The following ALDH1A3 variants were observed in gnomAD, a reference collection of about 807,000 sequenced individuals.
ALDH1A3 encodes aldehyde dehydrogenase 1 family member A3.
A neutral mutation model predicts 57.5 loss-of-function variants in ALDH1A3; 28 were observed. The ratio of observed to expected loss-of-function variants is 0.49; its 90% CI spans 0.36 to 0.67. The LOEUF is 0.67. Among genes scored for constraint, ALDH1A3 ranks in the 30% least tolerant of loss-of-function variants. The pLI is 0.00. For synonymous variants in ALDH1A3, 281 were observed against 264.8 expected, an observed-to-expected ratio of 1.06 and a Z score of -0.59; for missense variants, 507 against 669.4, an observed-to-expected ratio of 0.76 and a Z score of 2.68.
At chr15:100,898,044 A>G (rs1200920981) in intron 7 of ALDH1A3, 39 bp from the exon 8 acceptor site, 1 of 1,590,310 alleles carries the variant, frequency 6.3e-7, no homozygotes, top group East Asian at 2.2e-5. Flanking sequence ...AAGTTCAGCA[A>G]CATCCAAGGT....
chr15:100,895,820 C>G (rs754024736), intron 6 of ALDH1A3, 113 bp from the exon 7 acceptor site: 25 of 919,792 alleles, frequency 2.7e-5, no homozygotes, highest in Non-Finnish European at 3.9e-5. Context: ...AAATCCAGCC[C>G]GGCCCGGGTT....
intron 12 of ALDH1A3, 83 bp downstream of exon 12, chr15:100,908,565 C>T (rs1359850285): frequency 3.2e-6 from 4 of 1,267,434 alleles, no homozygotes; most frequent in Non-Finnish European, 4.6e-6. Context: ...AGGCTCCAAT[C>T]TGCTGACACC....
At chr15:100,912,326 T>A (rs866106848) in intron 12 of ALDH1A3, among the ~76,000 whole-genome samples, 1 of 152,242 alleles carries the variant, frequency 6.6e-6, no homozygotes, top group African/African-American at 2.4e-5. Flanking sequence ...TTATTGGTAA[T>A]TCATATTTCT....
rs953734655 is a variant in ALDH1A3 at position 100,915,864 on chromosome 15, A to C, written c.*1091A>C. On this transcript the variant is annotated 3_prime_UTR_variant, in exon 13 of 13. Transcript: ENST00000329841. ...CTATGGAGGACCTCGGTCTTCATCCAAGTGGCCTGAGTATTTCACTGGCAG... is the reference window on the plus strand; with the variant it reads ...CTATGGAGGACCTCGGTCTTCATCCCAGTGGCCTGAGTATTTCACTGGCAG... 2 of 152,338 alleles carry C rather than the reference A, an allele frequency of 1.3e-5. No individual in the cohort carries two copies. Among genetic ancestry groups the C allele is most frequent in the Admixed American group, 6.5e-5 (1 of 15,304 alleles). 9.4% of individuals were successfully genotyped at this position (152,338 alleles called of 1,614,324 possible). A position where few individuals can be genotyped will look rare whatever the true frequency, so the allele number is the denominator to read the frequency against.
rs753755248 is a variant in ALDH1A3 at position 100,914,720 on chromosome 15, G to A, written c.1486G>A (p.Glu496Lys). The part of the protein sequence containing the change: ...GRELGEYALA[E>K]YTEVKTVTIK... ...TCACAGAGGTGAATACGCTTTGGCC[G>A]AATACACAGAAGTGAAAACTGTCAC... The change falls in exon 13 of 13, where the codon GAA (glutamate) becomes AAA (lysine). Residue 496 changes from glutamate to lysine, a missense_variant. By Grantham distance (56) the Glu-to-Lys change is moderately conservative. Coordinates refer to ENST00000329841, the MANE Select transcript of ALDH1A3 (RefSeq NM_000693.4). 6 of 1,613,840 alleles carry A rather than the reference G, an allele frequency of 3.7e-6. No homozygotes were observed. The highest frequency in any genetic ancestry group is 3.4e-6 in the Non-Finnish European group (4 of 1,179,966).
intron 8 of ALDH1A3, 108 bp downstream of exon 8, chr15:100,898,293 C>T (rs1291928781): frequency 7.3e-6 from 7 of 957,210 alleles, no homozygotes; most frequent in South Asian, 1.7e-5. Context: ...TGTGTGCACA[C>T]ACAGTGGGGA....
At position 100,894,274 on chromosome 15, in the gene ALDH1A3, T is replaced by G; in HGVS notation, c.666+192T>G. The G allele has an allele frequency of 1.6e-6, 1 of 613,232 alleles. No homozygotes were observed. The highest frequency in any genetic ancestry group is 2.8e-6 in the Non-Finnish European group (1 of 359,952). The allele number at this position is 613,232 out of a possible 1,614,324, so 38.0% of individuals were successfully genotyped here. On this transcript the variant is annotated intron_variant, in intron 6 of 12. Transcript: ENST00000329841. This position sits in a 1 kb window ranked among gnomAD's most constrained non-coding sequence, Gnocchi z 4.5. Reference sequence around the variant, plus strand: ...TGGCCACTGAGCTGGAGAAACTCCATTCCTCCCAGTGGTCCTAATGAGAAT... The same window carrying G: ...TGGCCACTGAGCTGGAGAAACTCCAGTCCTCCCAGTGGTCCTAATGAGAAT...
At chr15:100,883,937 C>T (rs902082976) in intron 1 of ALDH1A3, among the ~76,000 whole-genome samples, 8 of 152,146 alleles carry the variant, frequency 5.3e-5, no homozygotes, top group African/African-American at 9.7e-5. Flanking sequence ...CCTTGAGGGA[C>T]GCAATTCTTC....
intron 9 of ALDH1A3, 151 bp downstream of exon 9, chr15:100,900,910 AAC>A (rs2041761066): frequency 2.3e-6 from 2 of 865,582 alleles, no homozygotes; most frequent in Admixed American, 2.8e-5. Context: ...ACTGATCAGA[AAC>A]ACAATCCTGT....
intron 9 of ALDH1A3, among the ~76,000 whole-genome samples, chr15:100,901,586 G>A (rs1596130214): frequency 1.3e-5 from 2 of 152,270 alleles, no homozygotes; most frequent in Admixed American, 6.5e-5. Context: ...ATTTGGCCCT[G>A]GGTTTTATGA....
chr15:100,896,112 TC>T, intron 7 of ALDH1A3, 66 bp downstream of exon 7: 4 of 1,222,840 alleles, frequency 3.3e-6, no homozygotes, highest in Non-Finnish European at 4.7e-6. Context: ...CGTGAGCTTT[TC>T]CTTTGACAGG....
chr15:100,907,011 G>T, intron 10 of ALDH1A3, 110 bp from the exon 11 acceptor site: 2 of 1,234,774 alleles, frequency 1.6e-6, no homozygotes, highest in Non-Finnish European at 2.2e-6. Context: ...TTTCAGGCAT[G>T]TGTGTGCTCT....
chr15:100,907,844 CTTTTTTTTT>C (rs71151987), intron 11 of ALDH1A3, among the ~76,000 whole-genome samples: 3 of 81,910 alleles, frequency 3.7e-5, no homozygotes, highest in Non-Finnish European at 6.4e-5. Flanking sequence ...TTCTTTCTTT[CTTTTTTTTT>C]TTTTTTTTTT....
In ALDH1A3 at chr15:100,886,149, A is replaced by G. The variant is rs4646658; in HGVS notation, c.204+778A>G. ...AAGGGCGTGTGCAGAGTAGGCTTGG[A>G]TTTTATCTTGCCCATGAGTTTTTGT... On this transcript the variant is annotated intron_variant, in intron 2 of 12. Coordinates refer to ENST00000329841, the MANE Select transcript of ALDH1A3 (RefSeq NM_000693.4). 7.0e-3 allele frequency among the ~76,000 whole-genome samples: 1,064 copies of G among 152,254 alleles called. 16 individuals carry two copies. The highest frequency in any genetic ancestry group is 0.023 in the East Asian group (118 of 5,176).
intron 9 of ALDH1A3, among the ~76,000 whole-genome samples, chr15:100,902,325 C>T (rs1249206412): frequency 6.6e-6 from 1 of 152,228 alleles, no homozygotes; most frequent in Non-Finnish European, 1.5e-5. Flanking sequence ...TGAAAGCTCA[C>T]TAAAGCCGTC....
At position 100,915,659 on chromosome 15, in the gene ALDH1A3, T is replaced by C. The variant is rs761620568; in HGVS notation, c.*886T>C. ...CGCTTTAACAAATTACGCATTTCTA[T>C]CACGTTCACTAACAGCTTATGATAA... On this transcript the variant is annotated 3_prime_UTR_variant, in exon 13 of 13. Coordinates refer to ENST00000329841, the MANE Select transcript of ALDH1A3 (RefSeq NM_000693.4). 6.6e-6 allele frequency: 1 copy of C among 152,250 alleles called. No individual in the cohort carries two copies. Among genetic ancestry groups the C allele is most frequent in the Non-Finnish European group, 1.5e-5 (1 of 68,054 alleles). 9.4% of individuals were successfully genotyped at this position (152,250 alleles called of 1,614,324 possible).
chr15:100,911,309 G>T (rs1326983967), intron 12 of ALDH1A3, among the ~76,000 whole-genome samples: 2 of 152,238 alleles, frequency 1.3e-5, no homozygotes, highest in African/African-American at 4.8e-5. Context: ...CCACCCACGG[G>T]CCCCTCCGGG....
chr15:100,898,343 G>T (rs578158661), intron 8 of ALDH1A3, among the ~76,000 whole-genome samples, 158 bp downstream of exon 8: 1 of 152,222 alleles, frequency 6.6e-6, no homozygotes, highest in Non-Finnish European at 1.5e-5. Context: ...TCAGCCAGCC[G>T]CAGACAGGCA....
chr15:100,888,981 G>A (rs2041622919), intron 3 of ALDH1A3: 1 of 152,178 alleles, frequency 6.6e-6, no homozygotes, highest in Non-Finnish European at 1.5e-5. Context: ...CCATGAGGCT[G>A]AGCTGCCAAG....
Sources: gnomAD v4.1 joint callset for allele counts (sites outside exome capture counted in the v4.1 genomes callset) on GRCh38, gnomAD v4.1.1 for gene constraint, Gnocchi (gnomAD v3.1) non-coding constraint, MANE v1.5 for transcripts, NCBI Gene and HGNC (gene_info 2026-07-23, HGNC 2026-07-21) for gene names.